KLHL2: variants seen among roughly 807,000 people sequenced by gnomAD.
KLHL2 encodes kelch-like protein 2.
KLHL2 carries 15 observed loss-of-function variants against 75.8 expected under a neutral mutation model. The ratio of observed to expected loss-of-function variants is 0.20; its 90% CI spans 0.13 to 0.30. The LOEUF (loss-of-function observed/expected upper bound fraction) is 0.30, where lower values mean the gene tolerates loss of function less well. Among genes scored for constraint, KLHL2 ranks in the 10% least tolerant of loss-of-function variants. KLHL2 has a pLI of 1.00. For synonymous variants in KLHL2, 214 were observed against 251.9 expected, an observed-to-expected ratio of 0.85 and a Z score of 1.42; for missense variants, 381 against 741.0, an observed-to-expected ratio of 0.51 and a Z score of 5.64.
chr4:165,231,326 A>G (rs1175264494), intron 3 of KLHL2, among the ~76,000 whole-genome samples: 11 of 152,102 alleles, frequency 7.2e-5, no homozygotes, highest in Admixed American at 5.9e-4. Context: ...GCACTAGTCT[A>G]TAGTCCCAGC....
intron 4 of KLHL2, among the ~76,000 whole-genome samples, chr4:165,252,309 T>C (rs1740802895): frequency 6.6e-6 from 1 of 151,838 alleles, no homozygotes; most frequent in East Asian, 1.9e-4. Flanking sequence ...TAGTTGCCAG[T>C]GTTCAGGGTA....
chr4:165,210,909 C>T (rs1269014477), intron 1 of KLHL2, among the ~76,000 whole-genome samples: 1 of 152,074 alleles, frequency 6.6e-6, no homozygotes, highest in Non-Finnish European at 1.5e-5. Flanking sequence ...TTTACTGGCT[C>T]CATTTTCACA....
intron 5 of KLHL2, chr4:165,278,255 C>T (rs757569044): frequency 2.3e-5 from 25 of 1,105,776 alleles, no homozygotes; most frequent in Non-Finnish European, 3.2e-5. Context: ...TTCTGCAGCC[C>T]CTGCCGCCAT....
chr4:165,230,645 C>T (rs1196792843), intron 3 of KLHL2, among the ~76,000 whole-genome samples: 1 of 151,250 alleles, frequency 6.6e-6, no homozygotes, highest in Admixed American at 6.6e-5. Context: ...CCTGTAAGAT[C>T]AAGGTTAGTT....
chr4:165,260,566 A>G (rs1424438970), intron 4 of KLHL2, among the ~76,000 whole-genome samples: 1 of 149,982 alleles, frequency 6.7e-6, no homozygotes, highest in Non-Finnish European at 1.5e-5. Flanking sequence ...ACACACATAT[A>G]TGTGTGTGTG....
At chr4:165,317,750 C>A (rs1579195907) in intron 13 of KLHL2, 76 bp from the exon 14 acceptor site, 1 of 1,095,020 alleles carries the variant, frequency 9.1e-7, no homozygotes, top group Non-Finnish European at 1.4e-6. Flanking sequence ...TGGATTACCT[C>A]ACTAAACATG....
chr4:165,285,874 C>T (rs762466694), intron 5 of KLHL2, among the ~76,000 whole-genome samples: 15 of 152,086 alleles, frequency 9.9e-5, no homozygotes, highest in African/African-American at 2.4e-4. Flanking sequence ...AAAGGGAACA[C>T]GGGAGGTCCA....
At position 165,299,591 on chromosome 4, in the gene KLHL2, A is replaced by C; in HGVS notation, c.856A>C (p.Thr286Pro). ...IEAMKYHLLP[T>P]EQRILMKSVR... Reference sequence around the variant, plus strand: ...AGCAATGAAGTACCATTTGCTGCCAACAGAGCAGCGTATATTAATGAAGAG... The same window carrying C: ...AGCAATGAAGTACCATTTGCTGCCACCAGAGCAGCGTATATTAATGAAGAG... Residue 286 changes from threonine (T) to proline (P), a missense_variant, in exon 8 of 15, where the codon ACA becomes CCA. Coordinates refer to ENST00000226725, the MANE Select transcript of KLHL2 (RefSeq NM_007246.4). 6.2e-7 allele frequency: 1 copy of C among 1,613,814 alleles called. No homozygotes were observed. The highest frequency in any genetic ancestry group is 8.5e-7 in the Non-Finnish European group (1 of 1,179,758).
chr4:165,252,876 T>C (rs193057434), intron 4 of KLHL2, among the ~76,000 whole-genome samples: 2 of 152,318 alleles, frequency 1.3e-5, no homozygotes, highest in East Asian at 3.9e-4. Context: ...AATCTATTAG[T>C]ATGGATTTAA....
chr4:165,271,154 T>C (rs1742660828), intron 5 of KLHL2, among the ~76,000 whole-genome samples: 1 of 129,068 alleles, frequency 7.7e-6, no homozygotes, highest in African/African-American at 3.4e-5. Context: ...AAATTCCATA[T>C]GCATTTTAGG....
intron 4 of KLHL2, among the ~76,000 whole-genome samples, chr4:165,239,929 A>G (rs769816853): frequency 6.6e-6 from 1 of 152,200 alleles, no homozygotes; most frequent in Non-Finnish European, 1.5e-5. Context: ...TGAACTGAAC[A>G]GTGTCTTAGG....
At position 165,285,788 on chromosome 4, in the gene KLHL2, T is replaced by TCAAAG. The variant is rs146529199; in HGVS notation, c.545-8571_545-8570insCAAAG. ...AAATTTTATGTTTTTAATCACATAA[T>TCAAAG]AGAGGGAGGGAGGCAAAAATGACTG... On this transcript the variant is annotated intron_variant, in intron 5 of 14. Coordinates refer to ENST00000226725, the MANE Select transcript of KLHL2 (RefSeq NM_007246.4). Among the ~76,000 whole-genome samples, 196 of 150,680 alleles carry TCAAAG rather than the reference T, an allele frequency of 1.3e-3. 2 individuals are homozygous for TCAAAG. Among genetic ancestry groups the TCAAAG allele is most frequent in the African/African-American group, 4.6e-3 (190 of 40,892 alleles).
intron 9 of KLHL2, among the ~76,000 whole-genome samples, chr4:165,309,664 G>T (rs1229607647): frequency 6.6e-6 from 1 of 152,086 alleles, no homozygotes; most frequent in African/African-American, 2.4e-5. Context: ...ATTTCATATA[G>T]CTTTTTACAT....
At chr4:165,262,862 A>G (rs1233770810) in intron 4 of KLHL2, among the ~76,000 whole-genome samples, 2 of 152,176 alleles carry the variant, frequency 1.3e-5, no homozygotes, top group Admixed American at 6.5e-5. Context: ...TACAGGTGTG[A>G]GTCACCATGC....
At chr4:165,297,177 G>A (rs777481015) in intron 6 of KLHL2, among the ~76,000 whole-genome samples, 8 of 152,000 alleles carry the variant, frequency 5.3e-5, no homozygotes, top group Middle Eastern at 3.4e-3. Flanking sequence ...ATTATGTATT[G>A]TAAAAAATAA....
At chr4:165,287,671 T>G (rs1361867192) in intron 5 of KLHL2, among the ~76,000 whole-genome samples, 3 of 152,130 alleles carry the variant, frequency 2.0e-5, no homozygotes, top group Non-Finnish European at 2.9e-5. Context: ...TTTTCTGGTT[T>G]GTTTGTTTGT....
chr4:165,305,410 G>A (rs182931067), intron 8 of KLHL2, among the ~76,000 whole-genome samples, 198 bp from the exon 9 acceptor site: 30 of 152,276 alleles, frequency 2.0e-4, no homozygotes, highest in Admixed American at 1.1e-3. Flanking sequence ...TGTGCTGGAC[G>A]ATAGAATTGT....
intron 5 of KLHL2, among the ~76,000 whole-genome samples, chr4:165,264,642 A>G (rs1742005170): frequency 7.0e-6 from 1 of 142,144 alleles, no homozygotes; most frequent in Non-Finnish European, 1.5e-5. Flanking sequence ...GTATATATGT[A>G]CACACATGTA....
chr4:165,259,523 G>A (rs1055060061), intron 4 of KLHL2, among the ~76,000 whole-genome samples: 6 of 152,212 alleles, frequency 3.9e-5, no homozygotes, highest in Admixed American at 2.6e-4. Flanking sequence ...TCCCATACCA[G>A]GTGTGTGACC....
Sources: allele counts gnomAD v4.1 joint callset (sites outside exome capture counted in the v4.1 genomes callset), GRCh38; gene constraint gnomAD v4.1.1; transcripts MANE v1.5; gene names NCBI Gene and HGNC (gene_info 2026-07-23, HGNC 2026-07-21).